Variants in KHDRBS2 observed in about 807,000 individuals in gnomAD.
KHDRBS2 encodes KH domain-containing, RNA-binding, signal transduction-associated protein 2.
A neutral mutation model predicts 44.3 loss-of-function variants in KHDRBS2; 26 were observed. That is an observed-to-expected ratio of 0.59 (90% CI 0.43 to 0.81). The LOEUF is 0.81. Among genes scored for constraint, KHDRBS2 ranks in the 40% least tolerant of loss-of-function variants. KHDRBS2 has a pLI of 0.00. For missense variants in KHDRBS2, 476 were observed against 433.1 expected (o/e 1.10, Z -0.88); for synonymous variants, 194 against 151.1 (o/e 1.28, Z -2.08).
intron 1 of KHDRBS2, among the ~76,000 whole-genome samples, chr6:62,207,762 T>C (rs1298621215): frequency 6.6e-6 from 1 of 152,120 alleles, no homozygotes; most frequent in Non-Finnish European, 1.5e-5. Context: ...ATTAAAACGA[T>C]ACTGGATTTT....
chr6:62,126,065 G>A (rs1257846656), intron 2 of KHDRBS2, among the ~76,000 whole-genome samples: 3 of 152,130 alleles, frequency 2.0e-5, no homozygotes, highest in African/African-American at 4.8e-5. Context: ...CCAAGCCTTG[G>A]CTATTGGATG....
the KHDRBS2 span, among the ~76,000 whole-genome samples, chr6:61,615,335 T>G: frequency 2.0e-5 from 3 of 152,064 alleles, no homozygotes; most frequent in African/African-American, 4.8e-5. Context: ...CCTGGCTGTT[T>G]GTAAGCATTA....
chr6:61,663,168 C>T, the KHDRBS2 span, among the ~76,000 whole-genome samples: 15 of 142,616 alleles, frequency 1.1e-4, no homozygotes, highest in Admixed American at 2.3e-4. Context: ...CCAAACGCCG[C>T]GTGTTCTCAC....
rs573236791 is a variant in KHDRBS2 at position 61,955,443 on chromosome 6, C to G, written c.483+22623G>C. Among the ~76,000 whole-genome samples the G allele has an allele frequency of 6.6e-5, 4 of 60,676 alleles. 1 individual carries two copies. Among genetic ancestry groups the G allele is most frequent in the African/African-American group, 2.0e-4 (4 of 20,132 alleles). 39.8% of individuals were successfully genotyped at this position (60,676 alleles called of 152,430 possible). A position where few individuals can be genotyped will look rare whatever the true frequency, so the allele number is the denominator to read the frequency against. ...ATACACATACGTATGTGTATGTATA[C>G]ATATGTGTATATATACATATGTGTA... On this transcript the variant is annotated intron_variant, in intron 4 of 8. Transcript: ENST00000281156.
intron 6 of KHDRBS2, among the ~76,000 whole-genome samples, chr6:61,772,628 C>CTTTTATTTTA (rs546857899): frequency 6.6e-6 from 1 of 151,334 alleles, no homozygotes; most frequent in African/African-American, 2.4e-5. Context: ...AGTTGATTCT[C>CTTTTATTTTA]TTTTATTTTA....
At chr6:61,543,655 T>C in the KHDRBS2 span, among the ~76,000 whole-genome samples, 2 of 152,154 alleles carry the variant, frequency 1.3e-5, no homozygotes, top group Admixed American at 1.3e-4. Context: ...TACACTCCCA[T>C]ATTTCTTGAG....
rs76495122 is a variant in KHDRBS2, at chr6:61,869,974, T to TG, written c.810+24660_810+24661insC. On this transcript the variant is annotated intron_variant, in intron 6 of 8. Transcript: ENST00000281156. Reference sequence around the variant, plus strand: ...ACTAGCTGCAGGAGTGTTTTTTTTTTTTTTTTTTTTTTTCCCCATACTACA... The same window carrying TG: ...ACTAGCTGCAGGAGTGTTTTTTTTTTGTTTTTTTTTTTTTCCCCATACTACA... 1.3e-3 allele frequency among the ~76,000 whole-genome samples: 194 copies of TG among 148,366 alleles called. 2 individuals carry two copies. The highest frequency in any genetic ancestry group is 6.2e-3 in the East Asian group (31 of 5,012).
the KHDRBS2 span, among the ~76,000 whole-genome samples, chr6:61,555,866 C>T: frequency 6.6e-6 from 1 of 152,160 alleles, no homozygotes; most frequent in Non-Finnish European, 1.5e-5. Context: ...TCTTCTCTGG[C>T]CCACTGAGGT....
intron 6 of KHDRBS2, among the ~76,000 whole-genome samples, chr6:61,861,212 G>T (rs1423099223): frequency 6.6e-6 from 1 of 152,068 alleles, no homozygotes; most frequent in Non-Finnish European, 1.5e-5. Context: ...AAGCTCTTTA[G>T]TTTAATTAGA....
At chr6:61,818,382 G>A (rs1359328555) in intron 6 of KHDRBS2, among the ~76,000 whole-genome samples, 2 of 151,578 alleles carry the variant, frequency 1.3e-5, no homozygotes, top group Admixed American at 6.6e-5. Context: ...ATACTAAGAT[G>A]AATAGAAGAA....
At chr6:61,578,234 A>C in the KHDRBS2 span, among the ~76,000 whole-genome samples, 1 of 152,150 alleles carries the variant, frequency 6.6e-6, no homozygotes, top group Admixed American at 6.6e-5. Flanking sequence ...CCAACCTAAT[A>C]GCTCATTACT....
intron 6 of KHDRBS2, among the ~76,000 whole-genome samples, chr6:61,740,814 C>T (rs925615765): frequency 1.3e-5 from 2 of 151,980 alleles, no homozygotes; most frequent in Middle Eastern, 3.4e-3. Context: ...AACCGTGATA[C>T]GATTAAGAGT....
intron 1 of KHDRBS2, among the ~76,000 whole-genome samples, chr6:62,208,121 G>A (rs1265935544): frequency 1.3e-5 from 2 of 152,138 alleles, no homozygotes; most frequent in African/African-American, 4.8e-5. Flanking sequence ...ATATAGAAGT[G>A]AGATCAGGTA....
intron 2 of KHDRBS2, among the ~76,000 whole-genome samples, chr6:62,104,077 T>A (rs1175964601): frequency 5.3e-5 from 8 of 152,188 alleles, no homozygotes; most frequent in African/African-American, 1.9e-4. Flanking sequence ...TATAGGATTT[T>A]TATTGCTTAA....
At chr6:61,743,365 G>A (rs1313975111) in intron 6 of KHDRBS2, among the ~76,000 whole-genome samples, 1 of 152,068 alleles carries the variant, frequency 6.6e-6, no homozygotes, top group Non-Finnish European at 1.5e-5. Context: ...CCACGAGGAA[G>A]TGTCTTGGCT....
At chr6:62,231,585 A>G (rs913406510) in intron 1 of KHDRBS2, among the ~76,000 whole-genome samples, 2 of 152,182 alleles carry the variant, frequency 1.3e-5, no homozygotes, top group African/African-American at 4.8e-5. Context: ...CCCGCAATAT[A>G]AAACATGCCA....
the KHDRBS2 span, among the ~76,000 whole-genome samples, chr6:61,545,604 G>T: frequency 1.3e-5 from 2 of 151,316 alleles, no homozygotes; most frequent in Non-Finnish European, 1.5e-5. Flanking sequence ...AGTATATGTA[G>T]CATACTGAAT....
intron 1 of KHDRBS2, among the ~76,000 whole-genome samples, chr6:62,277,739 T>C (rs984759383): frequency 1.3e-5 from 2 of 152,182 alleles, no homozygotes; most frequent in African/African-American, 4.8e-5. Flanking sequence ...CTCCAAACTA[T>C]AACTAAAATA....
the KHDRBS2 span, among the ~76,000 whole-genome samples, chr6:61,602,945 A>C: frequency 6.6e-6 from 1 of 151,962 alleles, no homozygotes; most frequent in African/African-American, 2.4e-5. Context: ...CTTTCCCCCC[A>C]GTTCAAAGCC....
Sources: allele counts gnomAD v4.1 joint callset (sites outside exome capture counted in the v4.1 genomes callset), GRCh38; gene constraint gnomAD v4.1.1; transcripts MANE v1.5; gene names NCBI Gene and HGNC (gene_info 2026-07-23, HGNC 2026-07-21).